The following EFHB variants were observed in gnomAD, a reference collection of about 807,000 sequenced individuals.
EFHB encodes the protein EF-hand domain family member B.
In EFHB, 91 loss-of-function variants were observed where a neutral mutation model predicts 87.2. The observed-to-expected ratio is 1.04, with a 90% CI of 0.88 to 1.24. The LOEUF (loss-of-function observed/expected upper bound fraction) is 1.24. EFHB is among the 50% of genes most tolerant of loss of function. The pLI is 0.00. For synonymous variants in EFHB, 325 were observed against 333.6 expected (o/e 0.97, Z 0.28); for missense variants, 1,084 against 998.8 (o/e 1.09, Z -1.15).
At chr3:19,932,659 G>A (rs1047883618) in intron 1 of EFHB, among the ~76,000 whole-genome samples, 16 of 152,210 alleles carry the variant, frequency 1.1e-4, no homozygotes, top group African/African-American at 3.9e-4. Flanking sequence ...TATTCAGAGT[G>A]TACTTCTATG....
In EFHB at chr3:19,899,467, T is replaced by G; in HGVS notation, c.1467A>C (p.Glu489Asp). ...FVSKRADDFK[E>D]KFQHKLGRVL... ...CTCTTCCAAGTTTATGTTGAAACTT[T>G]TCTTTGAAATCATCTGCTCTTTTGG... The change falls in exon 7 of 13, where the codon GAA (glutamate) becomes GAC (aspartate). Residue 489 changes from glutamate to aspartate, a missense_variant. Glu to Asp is a conservative substitution (Grantham distance 45, BLOSUM62 2). Coordinates refer to ENST00000295824, the MANE Select transcript of EFHB (RefSeq NM_144715.4). The G allele has an allele frequency of 6.2e-7, 1 of 1,606,996 alleles. No individual in the cohort carries two copies. Among genetic ancestry groups the G allele is most frequent in the Non-Finnish European group, 8.5e-7 (1 of 1,177,918 alleles).
chr3:19,915,230 A>G, intron 5 of EFHB, 73 bp downstream of exon 5: 1 of 909,830 alleles, frequency 1.1e-6, no homozygotes, highest in East Asian at 2.5e-5. Flanking sequence ...TTATGTACCA[A>G]TTTCCTTTAT....
At chr3:19,934,829 T>A (rs1480833747), upstream of EFHB, among the ~76,000 whole-genome samples, 1 of 152,212 alleles carries the variant, frequency 6.6e-6, no homozygotes, top group Non-Finnish European at 1.5e-5. Context: ...AAATATTATA[T>A]TTGACAACTG....
intron 12 of EFHB, among the ~76,000 whole-genome samples, chr3:19,882,014 CAAAAATAAATAAATAA>C (rs1213149768): frequency 1.7e-5 from 2 of 114,348 alleles, no homozygotes; most frequent in African/African-American, 6.4e-5. Flanking sequence ...TTTTCTGAGT[CAAAAATAAATAAATAA>C]ATAAATAAAT....
intron 1 of EFHB, among the ~76,000 whole-genome samples, chr3:19,921,158 A>G (rs1378516016): frequency 1.3e-5 from 2 of 152,226 alleles, no homozygotes; most frequent in African/African-American, 2.4e-5. Flanking sequence ...GAGAACAAAC[A>G]GACAAAAGCA....
intron 5 of EFHB, among the ~76,000 whole-genome samples, chr3:19,907,694 G>A (rs1370882896): frequency 6.6e-6 from 1 of 152,132 alleles, no homozygotes; most frequent in Non-Finnish European, 1.5e-5. Flanking sequence ...TTCTTTTCAA[G>A]TCTTGATGTG....
At chr3:19,937,793 G>A (rs1457380180), upstream of EFHB, among the ~76,000 whole-genome samples, 1 of 151,932 alleles carries the variant, frequency 6.6e-6, no homozygotes, top group Non-Finnish European at 1.5e-5. Context: ...GCATATTTGT[G>A]GTATTTTACC....
chr3:19,882,055 A>ATAATTAAT (rs61166173), intron 12 of EFHB, among the ~76,000 whole-genome samples: 2 of 140,130 alleles, frequency 1.4e-5, no homozygotes, highest in Non-Finnish European at 3.0e-5. Flanking sequence ...AAATAAATAA[A>ATAATTAAT]TAAATAATTA....
intron 1 of EFHB, among the ~76,000 whole-genome samples, chr3:19,926,024 T>C (rs551356030): frequency 6.6e-6 from 1 of 152,298 alleles, no homozygotes; most frequent in East Asian, 1.9e-4. Context: ...AGATTAGCTT[T>C]GGAAATTCAT....
intron 1 of EFHB, among the ~76,000 whole-genome samples, 176 bp downstream of exon 1, chr3:19,933,054 G>C (rs1180865089): frequency 6.6e-6 from 1 of 152,184 alleles, no homozygotes; most frequent in African/African-American, 2.4e-5. Flanking sequence ...GGGAGGCAGA[G>C]AATCAGAAAT....
At chr3:19,880,734 A>G (rs764552599) in intron 12 of EFHB, among the ~76,000 whole-genome samples, 12 of 152,232 alleles carry the variant, frequency 7.9e-5, no homozygotes, top group Non-Finnish European at 1.6e-4. Flanking sequence ...GATAATTATT[A>G]AAACAGATGA....
At chr3:19,920,093 G>A (rs1695385557) in intron 2 of EFHB, 117 bp from the exon 3 acceptor site, 15 of 1,045,024 alleles carry the variant, frequency 1.4e-5, no homozygotes, top group Non-Finnish European at 2.1e-5. Context: ...AATGCATTTG[G>A]AACTACAGCC....
chr3:19,933,998 A>G lies in EFHB; in HGVS notation c.21T>C (p.His7=). The part of the protein sequence containing the change: MNMEIG[H]PHEGKDDLGD... The stretch of plus-strand genomic sequence containing the variant: ...CTAAATCATCCTTTCCTTCGTGGGG[A>G]TGTCCAATCTCCATGTTCATGGACG... Residue 7 remains histidine (H), a synonymous_variant, in exon 1 of 13, where the codon CAT becomes CAC. Transcript: ENST00000295824. 1 of 1,606,548 alleles carries G rather than the reference A, an allele frequency of 6.2e-7. No individual in the cohort carries two copies. The highest frequency in any genetic ancestry group is 8.5e-7 in the Non-Finnish European group (1 of 1,176,052).
chr3:19,902,898 TG>T (rs1694719735), intron 6 of EFHB, among the ~76,000 whole-genome samples: 1 of 151,868 alleles, frequency 6.6e-6, no homozygotes, highest in Admixed American at 6.6e-5. Context: ...CAAAAAGGGC[TG>T]GGCACAGTGG....
At chr3:19,881,062 A>C (rs536352562) in intron 12 of EFHB, among the ~76,000 whole-genome samples, 1 of 152,250 alleles carries the variant, frequency 6.6e-6, no homozygotes, top group East Asian at 1.9e-4. Context: ...GTAATTAAAT[A>C]CAAATTAAGT....
chr3:19,914,280 C>T (rs577605007), intron 5 of EFHB, among the ~76,000 whole-genome samples: 1 of 152,200 alleles, frequency 6.6e-6, no homozygotes, highest in Non-Finnish European at 1.5e-5. Context: ...GTGCAATAGA[C>T]ATGAAATTTT....
chr3:19,939,400 T>TTG (rs1559479910), intron 1 of EFHB, among the ~76,000 whole-genome samples: 8 of 111,462 alleles, frequency 7.2e-5, no homozygotes, highest in African/African-American at 2.7e-4. Context: ...TTTTTTTTTT[T>TTG]GGGATGGAGT....
At chr3:19,936,742 C>G (rs1696031317), upstream of EFHB, among the ~76,000 whole-genome samples, 1 of 151,810 alleles carries the variant, frequency 6.6e-6, no homozygotes, top group African/African-American at 2.4e-5. Context: ...GTGGCCAGCA[C>G]TTGTAATCCC....
At chr3:19,923,535 G>A (rs564319361) in intron 1 of EFHB, among the ~76,000 whole-genome samples, 3 of 152,030 alleles carry the variant, frequency 2.0e-5, no homozygotes, top group Non-Finnish European at 4.4e-5. Flanking sequence ...ACCATGCCTA[G>A]CTAATTTTTG....
Sources: gnomAD v4.1 joint callset for allele counts (sites outside exome capture counted in the v4.1 genomes callset) on GRCh38, gnomAD v4.1.1 for gene constraint, MANE v1.5 for transcripts, NCBI Gene and HGNC (gene_info 2026-07-23, HGNC 2026-07-21) for gene names.